The following PRDM15 variants were observed in gnomAD, a reference collection of about 807,000 sequenced individuals.
PRDM15 encodes the protein PR domain zinc finger protein 15.
PRDM15 carries 64 observed loss-of-function variants against 128.6 expected under a neutral mutation model. The ratio of observed to expected loss-of-function variants is 0.50; its 90% CI spans 0.41 to 0.61. The LOEUF is 0.61. PRDM15 is among the 20% of genes least tolerant of loss of function. The probability of loss-of-function intolerance (pLI) is 0.00; values close to 1 mark genes in which losing one functional copy is unlikely to be tolerated. For missense variants in PRDM15, 1,242 were observed against 1,569.1 expected (o/e 0.79, Z 3.52); for synonymous variants, 615 against 621.8 (o/e 0.99, Z 0.16).
chr21:41,862,676 C>A lies in PRDM15; in HGVS notation c.-9-2304G>T, dbSNP rs867678121. Among the ~76,000 whole-genome samples the A allele has an allele frequency of 8.5e-5, 13 of 152,168 alleles. No homozygotes were observed. Among genetic ancestry groups the A allele is most frequent in the Non-Finnish European group, 1.5e-4 (10 of 68,020 alleles). On this transcript the variant is annotated intron_variant, in intron 1 of 23. Transcript: ENST00000398548. This position sits in a 1 kb window ranked among gnomAD's most constrained non-coding sequence, Gnocchi z 4.1. ...GGCCCAAGATCAGAGGCCACAGCCA[C>A]CCTGGGCTGCAGATCAGGCCTGATA... is the stretch of plus-strand genomic sequence containing the variant.
In PRDM15 at chr21:41,841,569, G is replaced by T. The variant is rs538220684; in HGVS notation, c.641-1716C>A. On this transcript the variant is annotated intron_variant, in intron 6 of 23. Transcript: ENST00000398548. ...AACTAAAGTTAAAAAAAAAAGAAAAGCCATACATAAGGAAATTAGCAAACA... is the reference window on the plus strand; with the variant it reads ...AACTAAAGTTAAAAAAAAAAGAAAATCCATACATAAGGAAATTAGCAAACA... 9.3e-4 allele frequency among the ~76,000 whole-genome samples: 141 copies of T among 152,020 alleles called. 4 individuals carry two copies. In the South Asian group the frequency reaches 0.028, roughly 30 times the overall value.
chr21:41,826,755 C>T (rs937228528), intron 12 of PRDM15, among the ~76,000 whole-genome samples: 1 of 152,146 alleles, frequency 6.6e-6, no homozygotes, highest in Non-Finnish European at 1.5e-5. Flanking sequence ...GTTGGACAAA[C>T]GGACCGTTCT....
chr21:41,877,282 T>A (rs2064453870), intron 1 of PRDM15: 2 of 152,574 alleles, frequency 1.3e-5, no homozygotes, highest in African/African-American at 4.8e-5. Flanking sequence ...CTGAGAGTTT[T>A]ATGATTTTCT....
chr21:41,829,209 A>G (rs2062593807), intron 11 of PRDM15, among the ~76,000 whole-genome samples: 2 of 137,230 alleles, frequency 1.5e-5, no homozygotes, highest in Admixed American at 1.4e-4. Context: ...ATACACATAC[A>G]TGTCACACAC....
intron 21 of PRDM15, among the ~76,000 whole-genome samples, chr21:41,808,978 C>T (rs2061768565): frequency 6.6e-6 from 1 of 152,222 alleles, no homozygotes; most frequent in Admixed American, 6.5e-5. Context: ...CCAGTGTGGT[C>T]ACTCTGAATC....
intron 8 of PRDM15, chr21:41,836,911 G>A (rs2062915782): frequency 7.0e-6 from 2 of 285,306 alleles, no homozygotes; most frequent in Non-Finnish European, 1.3e-5. Flanking sequence ...CAGAAAGCCT[G>A]GAGGTCAATT....
At position 41,839,680 on chromosome 21, in the gene PRDM15, G is replaced by GT; in HGVS notation, c.813dup (p.Pro272ThrfsTer7). 1 of 1,614,262 alleles carries GT rather than the reference G, an allele frequency of 6.2e-7. No homozygotes were observed. Among genetic ancestry groups the GT allele is most frequent in the Non-Finnish European group, 8.5e-7 (1 of 1,180,054 alleles). On this transcript the variant is annotated frameshift_variant, in exon 7 of 24. Coordinates refer to ENST00000398548, the MANE Select transcript of PRDM15 (RefSeq NM_001040424.3). LOFTEE classifies it high-confidence loss of function. Reference sequence around the variant, plus strand: ...GGCTGCTCAGCTTTGGACACTTTGGGTTTTCTCCCCCTTCGAGGCTTTTTC... The same window carrying GT: ...GGCTGCTCAGCTTTGGACACTTTGGGTTTTTCTCCCCCTTCGAGGCTTTTTC...
At position 41,801,470 on chromosome 21, in the gene PRDM15, G is replaced by A; in HGVS notation, c.3196C>T (p.Gln1066Ter). The A allele has an allele frequency of 6.2e-7, 1 of 1,614,200 alleles. No homozygotes were observed. The highest frequency in any genetic ancestry group is 1.3e-5 in the African/African-American group (1 of 75,052). Residue 1066 changes from glutamine to a stop codon, truncating the protein, a stop_gained, in exon 24 of 24, where the codon CAG becomes TAG. Coordinates refer to ENST00000398548, the MANE Select transcript of PRDM15 (RefSeq NM_001040424.3). LOFTEE classifies it high-confidence loss of function. Reference protein sequence around the residue: ...NRQNDVQIHPQPEASNPQSVA... With the variant: ...NRQNDVQIHP ...GACTGTGGGTTCGAGGCTTCCGGCT[G>A]GGGGTGGATCTGGACGTCATTTTGG...
intron 1 of PRDM15, among the ~76,000 whole-genome samples, chr21:41,864,166 C>T (rs778053943): frequency 1.3e-5 from 2 of 152,062 alleles, no homozygotes; most frequent in Non-Finnish European, 2.9e-5. Flanking sequence ...AAGACAAAAG[C>T]GGATTGGATT....
At chr21:41,803,801 T>C (rs1370408984) in intron 22 of PRDM15, among the ~76,000 whole-genome samples, 1 of 152,094 alleles carries the variant, frequency 6.6e-6, no homozygotes, top group Non-Finnish European at 1.5e-5. Context: ...GAGGCATACA[T>C]GTGATCTTAG....
At chr21:41,858,750 G>GGGGAAGAGGGGGGTTGAT (rs2145896512) in intron 3 of PRDM15, among the ~76,000 whole-genome samples, 1 of 151,994 alleles carries the variant, frequency 6.6e-6, no homozygotes, top group African/African-American at 2.4e-5. Flanking sequence ...TGAGGGTTCT[G>GGGGAAGAGGGGGGTTGAT]GGGAAGAGGG....
At chr21:41,824,969 T>C (rs1013591909) in intron 13 of PRDM15, among the ~76,000 whole-genome samples, 4 of 152,216 alleles carry the variant, frequency 2.6e-5, no homozygotes, top group Admixed American at 6.5e-5. Context: ...GCTGAAACGC[T>C]GGATGAGCGT....
chr21:41,877,415 T>G (rs2064458830), intron 1 of PRDM15: 1 of 152,336 alleles, frequency 6.6e-6, no homozygotes, highest in South Asian at 2.1e-4. Flanking sequence ...AAAGAATGCA[T>G]GAATGGCCGA....
chr21:41,822,483 C>T (rs1017216244), intron 14 of PRDM15, among the ~76,000 whole-genome samples: 4 of 152,248 alleles, frequency 2.6e-5, no homozygotes, highest in Admixed American at 6.5e-5. Context: ...ATGCCAGCAC[C>T]GGGCTGAGAA....
At chr21:41,830,429 A>C in intron 11 of PRDM15, among the ~76,000 whole-genome samples, 1 of 151,734 alleles carries the variant, frequency 6.6e-6, no homozygotes, top group East Asian at 1.9e-4. Flanking sequence ...CACATATCAC[A>C]CACACCAAAT....
At position 41,815,309 on chromosome 21, in the gene PRDM15, G is replaced by A. The variant is rs1008896562; in HGVS notation, c.2392+396C>T. ...ACCATGGCTTAGCCAGTGCCCTACCGAGGCCACGTCTGACCTTCCAGCGCC... is the reference window on the plus strand; with the variant it reads ...ACCATGGCTTAGCCAGTGCCCTACCAAGGCCACGTCTGACCTTCCAGCGCC... On this transcript the variant is annotated intron_variant, in intron 19 of 23. Transcript: ENST00000398548. Among the ~76,000 whole-genome samples the A allele has an allele frequency of 2.6e-5, 4 of 152,290 alleles. No individual in the cohort carries two copies. In the South Asian group the frequency reaches 8.3e-4, roughly 32 times the overall value.
intron 11 of PRDM15, 37 bp downstream of exon 11, chr21:41,835,400 C>T (rs2839392): frequency 0.42 from 657,663 of 1,557,742 alleles, 141,537 homozygotes; most frequent in African/African-American, 0.53. Flanking sequence ...ATCCGTACCG[C>T]ACAGCGGCCG....
chr21:41,837,786 G>A (rs532307329), intron 8 of PRDM15, 148 bp downstream of exon 8: 1 of 423,804 alleles, frequency 2.4e-6, no homozygotes, highest in South Asian at 2.5e-5. Context: ...CTGAGCTCCA[G>A]AACATTCCTG....
At position 41,879,094 on chromosome 21, in the gene PRDM15, G is replaced by A. The variant is rs1460115547; in HGVS notation, c.-10+176C>T. ...CCAACGGTGCCCGCAGCCGGCGAATGTAACAAAGAACAGTCGGCATGGCGG... is the reference window on the plus strand; with the variant it reads ...CCAACGGTGCCCGCAGCCGGCGAATATAACAAAGAACAGTCGGCATGGCGG... On this transcript the variant is annotated intron_variant, in intron 1 of 23. Coordinates refer to ENST00000398548, the MANE Select transcript of PRDM15 (RefSeq NM_001040424.3). The surrounding 1 kb of genome is among the most constrained non-coding windows in gnomAD (Gnocchi z 5.1). The A allele has an allele frequency of 1.8e-6, 2 of 1,127,300 alleles. No individual in the cohort carries two copies. Among genetic ancestry groups the A allele is most frequent in the Non-Finnish European group, 2.2e-6 (2 of 895,698 alleles). The allele number at this position is 1,127,300 out of a possible 1,614,324, so 69.8% of individuals were successfully genotyped here.
Sources: gnomAD v4.1 joint callset for allele counts (sites outside exome capture counted in the v4.1 genomes callset) on GRCh38, gnomAD v4.1.1 for gene constraint, Gnocchi (gnomAD v3.1) non-coding constraint, MANE v1.5 for transcripts, NCBI Gene and HGNC (gene_info 2026-07-23, HGNC 2026-07-21) for gene names.